Variants in ITPRID1 observed in about 807,000 individuals in gnomAD.
The protein encoded by ITPRID1 is protein ITPRID1.
A neutral mutation model predicts 95.4 loss-of-function variants in ITPRID1; 96 were observed. The ratio of observed to expected loss-of-function variants is 1.01; its 90% CI spans 0.85 to 1.19. ITPRID1 has a LOEUF of 1.19. Ranked by LOEUF, ITPRID1 falls within the 50% of genes most tolerant of loss-of-function variation. The probability of loss-of-function intolerance (pLI) is 0.00; values close to 1 mark genes in which losing one functional copy is unlikely to be tolerated. For missense variants in ITPRID1, 1,339 were observed against 1,252.9 expected, an observed-to-expected ratio of 1.07 and a Z score of -1.04; for synonymous variants, 510 against 453.6, an observed-to-expected ratio of 1.12 and a Z score of -1.58.
intron 10 of ITPRID1, 45 bp downstream of exon 10, chr7:31,583,236 A>T (rs1055047199): frequency 2.3e-6 from 3 of 1,309,114 alleles, no homozygotes; most frequent in Non-Finnish European, 3.3e-6. Flanking sequence ...GGTCTTTCAG[A>T]ATGTAAATAA....
chr7:31,550,161 C>T (rs1784234226), intron 2 of ITPRID1, among the ~76,000 whole-genome samples: 1 of 146,620 alleles, frequency 6.8e-6, no homozygotes, highest in Non-Finnish European at 1.5e-5. Context: ...TTAGTTTTTA[C>T]AAAATTGAGT....
At chr7:31,590,989 A>G (rs1320679456) in intron 10 of ITPRID1, among the ~76,000 whole-genome samples, 1 of 152,210 alleles carries the variant, frequency 6.6e-6, no homozygotes, top group Non-Finnish European at 1.5e-5. Flanking sequence ...GTCTAGCTCC[A>G]GAGTGTACAC....
At chr7:31,517,364 A>T (rs1203207723) in intron 1 of ITPRID1, 1 of 152,418 alleles carries the variant, frequency 6.6e-6, no homozygotes, top group African/African-American at 2.4e-5. Context: ...CCAAGTCCCC[A>T]TCCTCCCAGA....
chr7:31,624,797 C>A (rs1309013640), intron 10 of ITPRID1, among the ~76,000 whole-genome samples: 2 of 152,096 alleles, frequency 1.3e-5, no homozygotes. Flanking sequence ...TAAAGAGCTT[C>A]TGCACAGCAA....
intron 12 of ITPRID1, among the ~76,000 whole-genome samples, chr7:31,644,272 A>T (rs1790277276): frequency 7.2e-6 from 1 of 138,024 alleles, no homozygotes; most frequent in African/African-American, 2.6e-5. Context: ...TCTGTAACTC[A>T]TCTCCAGTTC....
chr7:31,567,875 C>G (rs1363160865), intron 5 of ITPRID1, among the ~76,000 whole-genome samples: 1 of 152,158 alleles, frequency 6.6e-6, no homozygotes, highest in African/African-American at 2.4e-5. Context: ...CCTGTAGTCC[C>G]AGGACTTTGG....
rs117782044 is a variant in ITPRID1 at position 31,643,440 on chromosome 7, G to T, written c.2070G>T (p.Gly690=). Residue 690 remains glycine (G), a synonymous_variant, in exon 12 of 15, where the codon GGG becomes GGT. Transcript: ENST00000615280. ...RSGTLGQILP[G]TEAEMENLPL... ...GTACTTTGGGTCAGATACTACCTGG[G>T]ACAGAAGCTGAGATGGAAAACCTTC... 4,585 of 1,613,978 alleles carry T rather than the reference G, an allele frequency of 2.8e-3. 267 individuals carry two copies. The East Asian group carries it at 0.075, about 26-fold the overall frequency.
At chr7:31,582,127 T>C (rs1197691265) in intron 9 of ITPRID1, among the ~76,000 whole-genome samples, 2 of 152,234 alleles carry the variant, frequency 1.3e-5, no homozygotes, top group African/African-American at 4.8e-5. Context: ...AACAGATTTA[T>C]GAACAAGAAT....
At chr7:31,516,185 C>G (rs185223047) in intron 1 of ITPRID1, among the ~76,000 whole-genome samples, 2 of 152,018 alleles carry the variant, frequency 1.3e-5, no homozygotes, top group Non-Finnish European at 2.9e-5. Flanking sequence ...AATAATAAAC[C>G]CTCTTTGTAA....
chr7:31,585,167 C>T (rs1010541870), intron 10 of ITPRID1, among the ~76,000 whole-genome samples: 10 of 152,152 alleles, frequency 6.6e-5, no homozygotes, highest in African/African-American at 2.4e-4. Flanking sequence ...GAAACCACAC[C>T]GAGCTGGCCA....
intron 9 of ITPRID1, among the ~76,000 whole-genome samples, chr7:31,582,416 T>C (rs1045650069): frequency 2.6e-5 from 4 of 152,248 alleles, no homozygotes; most frequent in African/African-American, 9.6e-5. Context: ...ACTGTTTTCT[T>C]ATCTTCTTTT....
chr7:31,651,947 C>A lies in ITPRID1; in HGVS notation c.2720C>A (p.Ala907Asp). 1 of 1,592,724 alleles carries A rather than the reference C, an allele frequency of 6.3e-7. No individual in the cohort carries two copies. Among genetic ancestry groups the A allele is most frequent in the Non-Finnish European group, 8.6e-7 (1 of 1,169,454 alleles). ...RDMSEEEREE[A>D]EQLQTLREAL... ...CTATTATTTACTTGCAGGGAGGAGGCCGAGCAACTGCAAACGTTACGTGAG... is the reference window on the plus strand; with the variant it reads ...CTATTATTTACTTGCAGGGAGGAGGACGAGCAACTGCAAACGTTACGTGAG... Residue 907 changes from alanine to aspartate, a missense_variant, in exon 14 of 15, where the codon GCC becomes GAC. Transcript: ENST00000615280.
chr7:31,622,256 T>A (rs1787983428), intron 10 of ITPRID1, among the ~76,000 whole-genome samples: 1 of 149,476 alleles, frequency 6.7e-6, no homozygotes. Context: ...CAAGCGGACC[T>A]AATAGGCATC....
intron 6 of ITPRID1, among the ~76,000 whole-genome samples, chr7:31,571,877 G>A (rs1480310301): frequency 6.6e-6 from 1 of 152,168 alleles, no homozygotes; most frequent in East Asian, 1.9e-4. Flanking sequence ...AGCACTAGCG[G>A]GCACCTAATG....
At chr7:31,617,345 A>C (rs1787349312) in intron 10 of ITPRID1, among the ~76,000 whole-genome samples, 1 of 152,212 alleles carries the variant, frequency 6.6e-6, no homozygotes, top group Non-Finnish European at 1.5e-5. Flanking sequence ...ATAAGTGTTA[A>C]ATTTTAGATT....
At chr7:31,535,326 C>T (rs371133434) in intron 1 of ITPRID1, among the ~76,000 whole-genome samples, 3 of 151,902 alleles carry the variant, frequency 2.0e-5, no homozygotes, top group South Asian at 2.1e-4. Flanking sequence ...TTTGATTCTA[C>T]GGATATATAA....
At chr7:31,647,163 C>G (rs1161701425) in intron 12 of ITPRID1, among the ~76,000 whole-genome samples, 1 of 152,190 alleles carries the variant, frequency 6.6e-6, no homozygotes, top group Non-Finnish European at 1.5e-5. Context: ...ACATTTAAAG[C>G]ACAAAGAGAA....
At chr7:31,532,935 C>T (rs996744758) in intron 1 of ITPRID1, among the ~76,000 whole-genome samples, 5 of 152,050 alleles carry the variant, frequency 3.3e-5, no homozygotes, top group Non-Finnish European at 7.4e-5. Flanking sequence ...TTTGTTAAAG[C>T]TTTTTGTATC....
chr7:31,640,549 C>A (rs532025181), intron 10 of ITPRID1, among the ~76,000 whole-genome samples: 1 of 152,184 alleles, frequency 6.6e-6, no homozygotes, highest in South Asian at 2.1e-4. Context: ...TCTCTCAAAG[C>A]GCTAAGCTGG....
Sources: gnomAD v4.1 joint callset for allele counts (sites outside exome capture counted in the v4.1 genomes callset) on GRCh38, gnomAD v4.1.1 for gene constraint, MANE v1.5 for transcripts, NCBI Gene and HGNC (gene_info 2026-07-23, HGNC 2026-07-21) for gene names.